Variants in NCOA1 observed in about 807,000 individuals in gnomAD.
NCOA1 encodes Hin-2 protein.
A neutral mutation model predicts 150.9 loss-of-function variants in NCOA1; 35 were observed. The ratio of observed to expected loss-of-function variants is 0.23; its 90% CI spans 0.18 to 0.31. The LOEUF (loss-of-function observed/expected upper bound fraction) is 0.31. NCOA1 is among the 10% of genes least tolerant of loss of function. The pLI is 1.00. For missense variants in NCOA1, 1,491 were observed against 1,749.3 expected (o/e 0.85, Z 2.63); for synonymous variants, 590 against 630.0 (o/e 0.94, Z 0.95).
At chr2:24,657,981 G>T (rs1257844668) in intron 4 of NCOA1, among the ~76,000 whole-genome samples, 1 of 152,222 alleles carries the variant, frequency 6.6e-6, no homozygotes, top group Non-Finnish European at 1.5e-5. Context: ...TTTAAGTGCA[G>T]TTGCTAACTG....
chr2:24,760,836 TGTC>T (rs926424596), intron 21 of NCOA1, among the ~76,000 whole-genome samples: 111 of 152,118 alleles, frequency 7.3e-4, no homozygotes, highest in African/African-American at 2.6e-3. Flanking sequence ...AATTTTTTGT[TGTC>T]GTTTTTTGTT....
At chr2:24,703,976 A>G (rs888271100) in intron 11 of NCOA1, among the ~76,000 whole-genome samples, 7 of 152,318 alleles carry the variant, frequency 4.6e-5, no homozygotes, top group East Asian at 1.9e-4. Context: ...ATTTTATTAC[A>G]TAATAGTCTG....
intron 18 of NCOA1, 82 bp from the exon 19 acceptor site, chr2:24,741,702 A>G: frequency 7.1e-7 from 1 of 1,414,464 alleles, no homozygotes; most frequent in Non-Finnish European, 9.5e-7. Context: ...GCCCCAAGCA[A>G]GTAGGCCTTA....
At chr2:24,747,020 C>T (rs1663957681) in intron 19 of NCOA1, among the ~76,000 whole-genome samples, 1 of 151,984 alleles carries the variant, frequency 6.6e-6, no homozygotes, top group African/African-American at 2.4e-5. Context: ...CTTAGTTTTG[C>T]TTTGAACCTA....
At chr2:24,640,714 GT>G (rs1385181948) in intron 3 of NCOA1, among the ~76,000 whole-genome samples, 1 of 152,014 alleles carries the variant, frequency 6.6e-6, no homozygotes, top group African/African-American at 2.4e-5. Context: ...CCCTTTTTAT[GT>G]TTAGTTACAT....
chr2:24,546,265 A>G (rs1472502333), intron 1 of NCOA1, among the ~76,000 whole-genome samples: 2 of 152,148 alleles, frequency 1.3e-5, no homozygotes, highest in African/African-American at 4.8e-5. Flanking sequence ...AGACAGACTA[A>G]TGAATATCTT....
chr2:24,714,093 T>C (rs1558309037), intron 14 of NCOA1, among the ~76,000 whole-genome samples: 1 of 152,162 alleles, frequency 6.6e-6, no homozygotes, highest in Non-Finnish European at 1.5e-5. Flanking sequence ...TCAGAGTCGG[T>C]AGACCTTCTT....
chr2:24,567,896 A>G (rs948301201), intron 2 of NCOA1, among the ~76,000 whole-genome samples: 2 of 152,026 alleles, frequency 1.3e-5, no homozygotes, highest in East Asian at 1.9e-4. Context: ...GGTGTGCACA[A>G]CCACACCTGG....
chr2:24,734,999 G>A (rs1663223514), intron 17 of NCOA1, among the ~76,000 whole-genome samples: 1 of 152,042 alleles, frequency 6.6e-6, no homozygotes, highest in African/African-American at 2.4e-5. Context: ...CATAAATGCT[G>A]GTACATTTGG....
rs1665169178 is a variant in NCOA1, at chr2:24,768,337, A to G, written c.4272A>G (p.Pro1424=). The change falls in exon 23 of 23, where the codon CCA becomes CCG. Residue 1424 remains proline, a synonymous_variant. Coordinates refer to ENST00000348332, the MANE Select transcript of NCOA1 (RefSeq NM_003743.5). ...GAACTCAAAAGCCCACGTCAGGACCACAGACCCCCCAGGCCCAGCAGAAGA... is the reference window on the plus strand; with the variant it reads ...GAACTCAAAAGCCCACGTCAGGACCGCAGACCCCCCAGGCCCAGCAGAAGA... The part of the protein sequence containing the change: ...PLGTQKPTSG[P]QTPQAQQKSL... 8 of 1,613,896 alleles carry G rather than the reference A, an allele frequency of 5.0e-6. No homozygotes were observed. The highest frequency in any genetic ancestry group is 5.9e-6 in the Non-Finnish European group (7 of 1,179,948).
intron 3 of NCOA1, among the ~76,000 whole-genome samples, chr2:24,639,907 T>TAA (rs1670107000): frequency 9.4e-5 from 1 of 10,676 alleles, no homozygotes; most frequent in Non-Finnish European, 3.4e-4. Flanking sequence ...AAAAAAAGTA[T>TAA]GTGTGTGTGT....
chr2:24,688,627 TC>T (rs1180191146), intron 8 of NCOA1, among the ~76,000 whole-genome samples: 1 of 152,248 alleles, frequency 6.6e-6, no homozygotes, highest in Non-Finnish European at 1.5e-5. Context: ...TTGTTTAAGT[TC>T]CTTATGAATA....
At chr2:24,508,429 AT>A (rs1663794391) in intron 1 of NCOA1, among the ~76,000 whole-genome samples, 1 of 152,022 alleles carries the variant, frequency 6.6e-6, no homozygotes, top group African/African-American at 2.4e-5. Flanking sequence ...TTTATTTGCA[AT>A]GACAAAAAAA....
At chr2:24,693,115 A>T in intron 9 of NCOA1, 137 bp from the exon 10 acceptor site, 1 of 747,410 alleles carries the variant, frequency 1.3e-6, no homozygotes, top group South Asian at 1.6e-5. Context: ...CGGCCTCCCA[A>T]AGTGCTGGGA....
At chr2:24,576,149 G>GTTTTTTTTTTTTGTTT (rs1666949145) in intron 2 of NCOA1, among the ~76,000 whole-genome samples, 1 of 94,026 alleles carries the variant, frequency 1.1e-5, no homozygotes. Context: ...TTTGGCCTTT[G>GTTTTTTTTTTTTGTTT]TTTTTTTTTT....
At chr2:24,663,918 C>T (rs1237161951) in intron 5 of NCOA1, among the ~76,000 whole-genome samples, 1 of 152,120 alleles carries the variant, frequency 6.6e-6, no homozygotes, top group Non-Finnish European at 1.5e-5. Context: ...CAAAACTTAC[C>T]ATCAAAAACA....
chr2:24,585,223 A>T (rs1490906321), intron 3 of NCOA1, among the ~76,000 whole-genome samples: 3 of 152,110 alleles, frequency 2.0e-5, no homozygotes, highest in African/African-American at 7.2e-5. Flanking sequence ...TCTTTGTTGT[A>T]TTTAGAGTTC....
At chr2:24,589,654 TGTGTGTGTGTATGAAA>T (rs1667566715) in intron 3 of NCOA1, among the ~76,000 whole-genome samples, 1 of 149,090 alleles carries the variant, frequency 6.7e-6, no homozygotes, top group African/African-American at 2.6e-5. Flanking sequence ...TGTGTGTGTG[TGTGTGTGTGTATGAAA>T]GTGTGTGTGT....
intron 17 of NCOA1, among the ~76,000 whole-genome samples, chr2:24,730,873 A>C (rs1572653564): frequency 8.7e-6 from 1 of 115,540 alleles, no homozygotes; most frequent in Non-Finnish European, 1.8e-5. Context: ...TAAAAGTACA[A>C]AAAAAAAAAA....
Sources: allele counts gnomAD v4.1 joint callset (sites outside exome capture counted in the v4.1 genomes callset), GRCh38; gene constraint gnomAD v4.1.1; transcripts MANE v1.5; gene names NCBI Gene and HGNC (gene_info 2026-07-23, HGNC 2026-07-21).